TFEB: variants seen among roughly 807,000 people sequenced by gnomAD.
TFEB encodes the protein T-cell transcription factor EB.
A neutral mutation model predicts 48.0 loss-of-function variants in TFEB; 12 were observed. The ratio of observed to expected loss-of-function variants is 0.25; its 90% confidence interval spans 0.16 to 0.40. The LOEUF (loss-of-function observed/expected upper bound fraction) is 0.40, where lower values mean the gene tolerates loss of function less well. Ranked by LOEUF, TFEB falls within the 10% of genes least tolerant of loss-of-function variation. The pLI is 1.00. For synonymous variants in TFEB, 244 were observed against 261.4 expected, an observed-to-expected ratio of 0.93 and a Z score of 0.64; for missense variants, 509 against 640.3, an observed-to-expected ratio of 0.79 and a Z score of 2.21.
chr6:41,710,204 G>A (rs1770417820), intron 1 of TFEB, among the ~76,000 whole-genome samples: 1 of 152,224 alleles, frequency 6.6e-6, no homozygotes, highest in African/African-American at 2.4e-5. Flanking sequence ...CTGGGGCAGA[G>A]TCATTCCCTG....
chr6:41,697,427 A>AAAAAAAAAAAAAAAAAAAG lies in TFEB; in HGVS notation c.-22-6193_-22-6192insCTTTTTTTTTTTTTTTTTT, dbSNP rs1769655029. 4.8e-5 allele frequency among the ~76,000 whole-genome samples: 7 copies of AAAAAAAAAAAAAAAAAAAG among 145,192 alleles called. 1 individual carries two copies. Among genetic ancestry groups the AAAAAAAAAAAAAAAAAAAG allele is most frequent in the African/African-American group, 1.8e-4 (7 of 38,464 alleles). On this transcript the variant is annotated intron_variant, in intron 1 of 8. Transcript: ENST00000373033. ...CCATCTCAAAAAAAAAAAAAAAAAA[A>AAAAAAAAAAAAAAAAAAAG]GAATGAGGGCAGACGTTAAATAGTT...
chr6:41,696,045 A>G (rs577178548), intron 1 of TFEB, among the ~76,000 whole-genome samples: 15 of 152,362 alleles, frequency 9.8e-5, no homozygotes, highest in Admixed American at 9.8e-4. Flanking sequence ...GCAGCCACCA[A>G]GCATTTGGAG....
chr6:41,718,960 G>A (rs551286870), intron 1 of TFEB, among the ~76,000 whole-genome samples: 8 of 152,278 alleles, frequency 5.3e-5, no homozygotes, highest in African/African-American at 1.2e-4. Context: ...ATCCATGGCC[G>A]GTTAGGAACC....
At chr6:41,690,196 T>C (rs80245752) in intron 3 of TFEB, among the ~76,000 whole-genome samples, 165 of 152,100 alleles carry the variant, frequency 1.1e-3, no homozygotes, top group African/African-American at 3.9e-3. Flanking sequence ...AGTGGCTCGA[T>C]CTCAGCTCAC....
At position 41,709,461 on chromosome 6, in the gene TFEB, T is replaced by C. The variant is rs542386161; in HGVS notation, c.-22-18226A>G. On this transcript the variant is annotated intron_variant, in intron 1 of 8. Transcript: ENST00000373033. ...TAGATGGATGCATGTATATAATGGA[T>C]GGATGGACATAATGGATGCATGCAT... 4.6e-5 allele frequency among the ~76,000 whole-genome samples: 7 copies of C among 152,304 alleles called. No homozygotes were observed. In the South Asian group the frequency reaches 8.3e-4, roughly 18 times the overall value.
intron 1 of TFEB, among the ~76,000 whole-genome samples, chr6:41,729,875 G>A (rs1192748713): frequency 1.3e-5 from 2 of 152,224 alleles, no homozygotes; most frequent in Non-Finnish European, 2.9e-5. Context: ...GAGAAGGACG[G>A]CTCTCACCTG....
intron 1 of TFEB, among the ~76,000 whole-genome samples, chr6:41,722,578 G>A (rs1771026461): frequency 6.6e-6 from 1 of 152,244 alleles, no homozygotes; most frequent in African/African-American, 2.4e-5. Flanking sequence ...GGGCCTACAT[G>A]TCCCCATCTG....
chr6:41,715,287 T>G (rs937200846), intron 1 of TFEB, among the ~76,000 whole-genome samples: 8 of 152,014 alleles, frequency 5.3e-5, no homozygotes, highest in Admixed American at 3.9e-4. Context: ...CCTCCCAACT[T>G]CCAGGCCAAG....
intron 1 of TFEB, among the ~76,000 whole-genome samples, chr6:41,700,117 A>G (rs1769818015): frequency 6.6e-6 from 1 of 152,230 alleles, no homozygotes; most frequent in African/African-American, 2.4e-5. Context: ...CCGCTCTGCC[A>G]AGTGGGGACA....
chr6:41,699,122 TGG>T (rs1769762626), intron 1 of TFEB, among the ~76,000 whole-genome samples: 1 of 152,234 alleles, frequency 6.6e-6, no homozygotes, highest in African/African-American at 2.4e-5. Flanking sequence ...TGTCTGGGTA[TGG>T]CCTCAGTCTC....
chr6:41,699,458 C>T (rs950378419), intron 1 of TFEB, among the ~76,000 whole-genome samples: 1 of 152,240 alleles, frequency 6.6e-6, no homozygotes, highest in Non-Finnish European at 1.5e-5. Flanking sequence ...TAGATAGGGG[C>T]AGGAAGGCCT....
intron 1 of TFEB, among the ~76,000 whole-genome samples, chr6:41,731,932 C>T (rs142430303): frequency 1.4e-4 from 22 of 152,316 alleles, no homozygotes; most frequent in African/African-American, 2.6e-4. Context: ...AGGTTCCAGC[C>T]GGAGGTCCTT....
At chr6:41,722,881 C>G (rs1581930116) in intron 1 of TFEB, among the ~76,000 whole-genome samples, 1 of 152,138 alleles carries the variant, frequency 6.6e-6, no homozygotes, top group African/African-American at 2.4e-5. Flanking sequence ...TGAGTAAAGT[C>G]TTTTACTCTT....
rs1342292363 is a variant in TFEB at position 41,724,498 on chromosome 6, AT to A, written c.-23+10851del. Among the ~76,000 whole-genome samples the A allele has an allele frequency of 3.0e-4, 46 of 151,830 alleles. No homozygotes were observed. Among genetic ancestry groups the A allele is most frequent in the Non-Finnish European group, 1.2e-4 (8 of 67,940 alleles). On this transcript the variant is annotated intron_variant, in intron 1 of 8. Transcript: ENST00000373033. The surrounding 1 kb of genome is among the most constrained non-coding windows in gnomAD (Gnocchi z 4.4). ...GTGAGGCCAGAGAGGCCCAGGGAGG[AT>A]GGACCCAGACTCTGGTCCAACCCTG...
At chr6:41,735,189 C>G in intron 1 of TFEB, 161 bp downstream of exon 1, 1 of 906,558 alleles carries the variant, frequency 1.1e-6, no homozygotes, top group Non-Finnish European at 1.3e-6. Flanking sequence ...CGGGGGCGGA[C>G]GGACTGCGGG....
chr6:41,713,460 A>G (rs1341387146), intron 1 of TFEB, among the ~76,000 whole-genome samples: 1 of 151,986 alleles, frequency 6.6e-6, no homozygotes, highest in African/African-American at 2.4e-5. Context: ...ATTCAGAGAG[A>G]CTTGATCCCC....
In TFEB at chr6:41,691,471, T is replaced by A. The variant is rs1330100224; in HGVS notation, c.-22-236A>T. The A allele has an allele frequency of 4.3e-6, 3 of 698,696 alleles. No individual in the cohort carries two copies. The highest frequency in any genetic ancestry group is 5.4e-5 in the East Asian group (2 of 36,946). The allele number at this position is 698,696 out of a possible 1,614,324, so 43.3% of individuals were successfully genotyped here. A position where few individuals can be genotyped will look rare whatever the true frequency, so the allele number is the denominator to read the frequency against. On this transcript the variant is annotated intron_variant, in intron 1 of 8. Coordinates refer to ENST00000373033, the MANE Select transcript of TFEB (RefSeq NM_001271944.2). This position sits in a 1 kb window ranked among gnomAD's most constrained non-coding sequence, Gnocchi z 5.2. ...CTGAAGGTTCTGTCTTCTTCACTCA[T>A]TGCAGTTGGTAAATCCCAAACTCTA...
chr6:41,704,822 G>A (rs1203421564), intron 1 of TFEB, among the ~76,000 whole-genome samples: 1 of 152,226 alleles, frequency 6.6e-6, no homozygotes, highest in Non-Finnish European at 1.5e-5. Flanking sequence ...AGCCCCACAG[G>A]GAAATTAAGC....
At chr6:41,725,407 C>G (rs892144772) in intron 1 of TFEB, among the ~76,000 whole-genome samples, 2 of 152,306 alleles carry the variant, frequency 1.3e-5, no homozygotes, top group East Asian at 3.9e-4. Context: ...GCTGAGGGCT[C>G]TAGCCTGAGA....
Sources: allele counts gnomAD v4.1 joint callset (sites outside exome capture counted in the v4.1 genomes callset), GRCh38; gene constraint gnomAD v4.1.1; non-coding constraint Gnocchi (gnomAD v3.1); transcripts MANE v1.5; gene names NCBI Gene and HGNC (gene_info 2026-07-23, HGNC 2026-07-21).